Variants in SBF2 observed in about 807,000 individuals in gnomAD.
SBF2 encodes myotubularin-related protein 13.
SBF2 carries 112 observed loss-of-function variants against 225.2 expected under a neutral mutation model. The ratio of observed to expected loss-of-function variants is 0.50; its 90% CI spans 0.43 to 0.58. The LOEUF is 0.58. SBF2 is among the 20% of genes least tolerant of loss of function. The pLI is 0.00. For synonymous variants in SBF2, 763 were observed against 773.3 expected, an observed-to-expected ratio of 0.99 and a Z score of 0.22; for missense variants, 1,996 against 2,206.2, an observed-to-expected ratio of 0.90 and a Z score of 1.91.
At chr11:10,064,829 G>C (rs1950574869) in intron 2 of SBF2, among the ~76,000 whole-genome samples, 1 of 152,154 alleles carries the variant, frequency 6.6e-6, no homozygotes, top group Non-Finnish European at 1.5e-5. Context: ...CTCTATTTCA[G>C]TCAAAGATTT....
chr11:10,122,931 T>C (rs1953547733), intron 2 of SBF2, among the ~76,000 whole-genome samples: 1 of 152,218 alleles, frequency 6.6e-6, no homozygotes, highest in South Asian at 2.1e-4. Context: ...TATGCATAGC[T>C]TGTACAGCAT....
intron 13 of SBF2, among the ~76,000 whole-genome samples, chr11:9,979,045 G>A (rs1946827145): frequency 6.6e-6 from 1 of 152,270 alleles, no homozygotes; most frequent in South Asian, 2.1e-4. Context: ...TGGAAACATC[G>A]TTTTTTCCTA....
At chr11:10,191,646 AG>A (rs1957176544) in intron 2 of SBF2, among the ~76,000 whole-genome samples, 1 of 152,212 alleles carries the variant, frequency 6.6e-6, no homozygotes, top group South Asian at 2.1e-4. Context: ...GGAAAATCTT[AG>A]GGAGGAAAAG....
chr11:9,829,148 T>C (rs1206145320), intron 28 of SBF2, among the ~76,000 whole-genome samples: 1 of 152,046 alleles, frequency 6.6e-6, no homozygotes, highest in African/African-American at 2.4e-5. Context: ...AAAAACTGAA[T>C]CTCTAAGTTA....
At chr11:9,995,331 C>A (rs1342612670) in intron 9 of SBF2, among the ~76,000 whole-genome samples, 1 of 152,122 alleles carries the variant, frequency 6.6e-6, no homozygotes. Flanking sequence ...TTTCTTCTTG[C>A]AGAATCATTT....
At chr11:9,993,128 G>A (rs974854682) in intron 10 of SBF2, 25 bp from the exon 11 acceptor site, 3 of 1,538,512 alleles carry the variant, frequency 1.9e-6, no homozygotes, top group Non-Finnish European at 2.7e-6. Context: ...AGAAATGTTA[G>A]GTAATTTAAC....
chr11:9,795,760 A>T lies in SBF2; in HGVS notation c.4570+71T>A. The T allele has an allele frequency of 1.9e-6, 3 of 1,540,546 alleles. No individual in the cohort carries two copies. In the South Asian group the frequency reaches 3.4e-5, roughly 17 times the overall value. On this transcript the variant is annotated intron_variant, in intron 33 of 39. Coordinates refer to ENST00000256190, the MANE Select transcript of SBF2 (RefSeq NM_030962.4). The stretch of plus-strand genomic sequence containing the variant: ...GCTTGTCAGTCTTGGGGATAGTTAC[A>T]TTATTAGAATTTTCATTAAAAACAT...
intron 13 of SBF2, among the ~76,000 whole-genome samples, chr11:9,974,212 C>T (rs1400524291): frequency 6.6e-6 from 1 of 152,102 alleles, no homozygotes; most frequent in Admixed American, 6.5e-5. Context: ...AAGTAGATGA[C>T]TTTAATATTT....
At chr11:10,228,920 G>C (rs555163238) in intron 1 of SBF2, among the ~76,000 whole-genome samples, 3 of 152,206 alleles carry the variant, frequency 2.0e-5, no homozygotes, top group African/African-American at 7.2e-5. Context: ...ACCTCTGGTA[G>C]AATTCGGCTG....
At chr11:10,222,950 T>A (rs1565370743) in intron 1 of SBF2, among the ~76,000 whole-genome samples, 1 of 152,096 alleles carries the variant, frequency 6.6e-6, no homozygotes, top group Non-Finnish European at 1.5e-5. Context: ...TATATATATA[T>A]CATTTTTATT....
At chr11:9,816,290 T>C (rs2133910364) in intron 29 of SBF2, among the ~76,000 whole-genome samples, 1 of 152,336 alleles carries the variant, frequency 6.6e-6, no homozygotes, top group South Asian at 2.1e-4. Flanking sequence ...TCTAGTATTT[T>C]GAATTTTCTG....
chr11:10,132,878 C>T (rs1402682048), intron 2 of SBF2, among the ~76,000 whole-genome samples: 2 of 148,820 alleles, frequency 1.3e-5, no homozygotes, highest in African/African-American at 2.5e-5. Context: ...AGGTTCTCCA[C>T]GTCCCCATCA....
At chr11:10,029,433 G>A (rs994110449) in intron 5 of SBF2, among the ~76,000 whole-genome samples, 17 of 152,252 alleles carry the variant, frequency 1.1e-4, no homozygotes, top group Middle Eastern at 3.4e-3. Flanking sequence ...ATATACAGGA[G>A]TGAGAAAGGT....
At chr11:10,162,473 T>C (rs2278630) in intron 2 of SBF2, among the ~76,000 whole-genome samples, 14,805 of 152,214 alleles carry the variant, frequency 0.097, 976 homozygotes, top group East Asian at 0.28. Context: ...CTGAGCTTCA[T>C]TGCAGGCCAG....
intron 1 of SBF2, among the ~76,000 whole-genome samples, chr11:10,266,727 T>C (rs557005128): frequency 1.3e-5 from 2 of 152,308 alleles, no homozygotes; most frequent in East Asian, 1.9e-4. Context: ...AATTTTAACA[T>C]GAGGGATATG....
At chr11:10,263,773 C>T (rs545539983) in intron 1 of SBF2, among the ~76,000 whole-genome samples, 1 of 152,248 alleles carries the variant, frequency 6.6e-6, no homozygotes, top group Non-Finnish European at 1.5e-5. Context: ...AAATTAAACT[C>T]TCTGGAATAT....
chr11:10,232,114 G>A (rs887780042), intron 1 of SBF2, among the ~76,000 whole-genome samples: 11 of 152,214 alleles, frequency 7.2e-5, no homozygotes, highest in Admixed American at 3.3e-4. Context: ...AGCCAGGTGC[G>A]GGATATAATC....
At chr11:10,089,678 T>A (rs1392126015) in intron 2 of SBF2, among the ~76,000 whole-genome samples, 4 of 152,132 alleles carry the variant, frequency 2.6e-5, no homozygotes, top group Non-Finnish European at 2.9e-5. Flanking sequence ...CAAGATAAAA[T>A]TTTAAACATT....
chr11:10,048,702 C>T (rs1454145215), intron 2 of SBF2, among the ~76,000 whole-genome samples: 1 of 152,054 alleles, frequency 6.6e-6, no homozygotes, highest in Non-Finnish European at 1.5e-5. Flanking sequence ...TATTTTAAGA[C>T]TTCTATGACA....
Sources: allele counts gnomAD v4.1 joint callset (sites outside exome capture counted in the v4.1 genomes callset), GRCh38; gene constraint gnomAD v4.1.1; transcripts MANE v1.5; gene names NCBI Gene and HGNC (gene_info 2026-07-23, HGNC 2026-07-21).